Variants in POFUT1 observed in about 807,000 individuals in gnomAD.
POFUT1 encodes the protein GDP-fucose protein O-fucosyltransferase 1.
POFUT1 carries 16 observed loss-of-function variants against 42.4 expected under a neutral mutation model. The observed-to-expected ratio is 0.38, with a 90% confidence interval of 0.26 to 0.57. POFUT1 has a LOEUF of 0.57. Ranked by LOEUF, POFUT1 falls within the 20% of genes least tolerant of loss-of-function variation. The pLI is 0.71. For synonymous variants in POFUT1, 206 were observed against 205.4 expected (o/e 1.00, Z -0.03); for missense variants, 470 against 504.6 (o/e 0.93, Z 0.66).
At chr20:32,222,018 C>G (rs2047393318) in intron 4 of POFUT1, among the ~76,000 whole-genome samples, 1 of 152,136 alleles carries the variant, frequency 6.6e-6, no homozygotes, top group South Asian at 2.1e-4. Context: ...AAGAATCCAG[C>G]TGGGTAGAGT....
chr20:32,234,770 C>A lies in POFUT1; in HGVS notation c.*109C>A. On this transcript the variant is annotated 3_prime_UTR_variant, in exon 7 of 7. Coordinates refer to ENST00000375749, the MANE Select transcript of POFUT1 (RefSeq NM_015352.2). ...TGCTCCGGGATTGCAAACTCCTCTT[C>A]TCACCTGCCAAAGATGGAGAAGAGT... 2 of 942,562 alleles carry A rather than the reference C, an allele frequency of 2.1e-6. No homozygotes were observed. The highest frequency in any genetic ancestry group is 3.1e-6 in the Non-Finnish European group (2 of 635,584). 58.4% of individuals were successfully genotyped at this position (942,562 alleles called of 1,614,324 possible). A position where few individuals can be genotyped will look rare whatever the true frequency, so the allele number is the denominator to read the frequency against.
chr20:32,211,326 T>C (rs1600383397), intron 2 of POFUT1, among the ~76,000 whole-genome samples: 1 of 150,944 alleles, frequency 6.6e-6, no homozygotes, highest in African/African-American at 2.4e-5. Flanking sequence ...CAGGCTGGAG[T>C]GCAGTGGCAC....
Position 32,237,905 on chromosome 20 carries a change from T to C in POFUT1, c.*3244T>C, listed in dbSNP as rs17123088. On this transcript the variant is annotated 3_prime_UTR_variant, in exon 7 of 7. Transcript: ENST00000375749. ...GGGAAATGATTAGATTCTGAACATA[T>C]GTAATTATTTTTCAGTCTTTTTCAA... is the stretch of plus-strand genomic sequence containing the variant. The C allele has an allele frequency of 0.023, 11,196 of 496,810 alleles. 1,100 individuals are homozygous for C. Among genetic ancestry groups the C allele is most frequent in the African/African-American group, 0.2 (10,170 of 50,630 alleles). 30.8% of individuals were successfully genotyped at this position (496,810 alleles called of 1,614,324 possible). A position where few individuals can be genotyped will look rare whatever the true frequency, so the allele number is the denominator to read the frequency against.
chr20:32,219,788 C>T (rs879554621), intron 4 of POFUT1, among the ~76,000 whole-genome samples: 8 of 152,122 alleles, frequency 5.3e-5, no homozygotes, highest in East Asian at 1.9e-4. Flanking sequence ...TGAGCCACCG[C>T]GCCCGGCCAA....
At chr20:32,234,408 G>T in intron 6 of POFUT1, 65 bp from the exon 7 acceptor site, 1 of 1,391,772 alleles carries the variant, frequency 7.2e-7, no homozygotes, top group African/African-American at 1.4e-5. Context: ...TAAGGTTGGG[G>T]GTGTGGATGG....
chr20:32,210,727 C>T (rs1355615416), intron 2 of POFUT1, among the ~76,000 whole-genome samples: 5 of 152,192 alleles, frequency 3.3e-5, no homozygotes, highest in Admixed American at 6.5e-5. Context: ...CCTTGTCATG[C>T]GATGCTCACC....
intron 4 of POFUT1, among the ~76,000 whole-genome samples, chr20:32,218,417 G>A (rs1382972677): frequency 1.3e-5 from 2 of 152,188 alleles, no homozygotes; most frequent in African/African-American, 4.8e-5. Flanking sequence ...GGGATTACAA[G>A]CATGAGCTGC....
At chr20:32,217,273 A>T in intron 4 of POFUT1, 1 of 1,375,868 alleles carries the variant, frequency 7.3e-7, no homozygotes. Context: ...AATGAGGATG[A>T]CCAGCTCTGG....
chr20:32,210,251 C>T, intron 2 of POFUT1, 59 bp downstream of exon 2: 1 of 1,588,528 alleles, frequency 6.3e-7, no homozygotes, highest in East Asian at 2.2e-5. Flanking sequence ...TGCTTACTTA[C>T]ACTTAACCCT....
At chr20:32,219,508 GTTTT>G (rs11478934) in intron 4 of POFUT1, among the ~76,000 whole-genome samples, 2 of 112,354 alleles carry the variant, frequency 1.8e-5, no homozygotes, top group Non-Finnish European at 3.9e-5. Flanking sequence ...ATAACAACAA[GTTTT>G]TTTTTTTTTT....
chr20:32,217,825 C>A, intron 4 of POFUT1: 1 of 822,908 alleles, frequency 1.2e-6, no homozygotes, highest in South Asian at 5.5e-5. Context: ...GGAAACTGAG[C>A]CCAGTGAAGT....
chr20:32,216,937 T>A lies in POFUT1; in HGVS notation c.542+216T>A. ...GACCCGCCATGAGATTGAGAAAGAG[T>A]TCATCGGTTGATAAGGGATGTCATA... On this transcript the variant is annotated intron_variant, in intron 4 of 6. Coordinates refer to ENST00000375749, the MANE Select transcript of POFUT1 (RefSeq NM_015352.2). The A allele has an allele frequency of 1.9e-6, 3 of 1,598,110 alleles. No homozygotes were observed. The Admixed American group carries it at 5.2e-5, about 27-fold the overall frequency.
In POFUT1 at chr20:32,222,722, A is replaced by G. The variant is rs2047396859; in HGVS notation, c.543-5541A>G. Reference sequence around the variant, plus strand: ...CCACGTGATTTCTGAGGATCCTTCCAGCTCTGCTCGTTCTGAGCCTGTGAA... The same window carrying G: ...CCACGTGATTTCTGAGGATCCTTCCGGCTCTGCTCGTTCTGAGCCTGTGAA... On this transcript the variant is annotated intron_variant, in intron 4 of 6. Transcript: ENST00000375749. 8.1e-6 allele frequency: 8 copies of G among 985,370 alleles called. No homozygotes were observed. The South Asian group carries it at 3.3e-4, about 40-fold the overall frequency. The allele number at this position is 985,370 out of a possible 1,614,324, so 61.0% of individuals were successfully genotyped here.
intron 4 of POFUT1, chr20:32,223,066 T>C (rs555134281): frequency 3.0e-6 from 3 of 985,426 alleles, no homozygotes; most frequent in African/African-American, 3.5e-5. Context: ...CACAGATACA[T>C]ACTGGACACA....
intron 4 of POFUT1, among the ~76,000 whole-genome samples, chr20:32,219,657 C>T (rs1194807051): frequency 1.3e-5 from 2 of 151,958 alleles, no homozygotes; most frequent in Non-Finnish European, 2.9e-5. Flanking sequence ...CCACCACGCC[C>T]GGCTGATTTT....
intron 6 of POFUT1, among the ~76,000 whole-genome samples, chr20:32,232,707 C>T (rs1372187922): frequency 6.6e-6 from 1 of 152,002 alleles, no homozygotes; most frequent in African/African-American, 2.4e-5. Flanking sequence ...TAAGCTGAAG[C>T]ATTTGGAGAG....
chr20:32,221,027 G>A (rs948874270), intron 4 of POFUT1, among the ~76,000 whole-genome samples: 1 of 152,130 alleles, frequency 6.6e-6, no homozygotes, highest in African/African-American at 2.4e-5. Flanking sequence ...ATTGGGAGGA[G>A]GCAGAGCCCA....
At position 32,236,932 on chromosome 20, in the gene POFUT1, A is replaced by T. The variant is rs550222188; in HGVS notation, c.*2271A>T. 1 of 152,340 alleles carries T rather than the reference A, an allele frequency of 6.6e-6. No individual in the cohort carries two copies. Among genetic ancestry groups the T allele is most frequent in the African/African-American group, 2.4e-5 (1 of 41,584 alleles). 9.4% of individuals were successfully genotyped at this position (152,340 alleles called of 1,614,324 possible). A position where few individuals can be genotyped will look rare whatever the true frequency, so the allele number is the denominator to read the frequency against. On this transcript the variant is annotated 3_prime_UTR_variant, in exon 7 of 7. Transcript: ENST00000375749. ...CAAGGCTGCCCAGCTGGTGGTGTTA[A>T]GCCAGAATTTGACCTCCCAGAGCCA...
intron 1 of POFUT1, among the ~76,000 whole-genome samples, chr20:32,208,983 GATC>G (rs142930040): frequency 0.016 from 2,366 of 152,326 alleles, 76 homozygotes; most frequent in African/African-American, 0.052. Flanking sequence ...GGGTATGGTG[GATC>G]ATCATTGTGG....
Sources: gnomAD v4.1 joint callset for allele counts (sites outside exome capture counted in the v4.1 genomes callset) on GRCh38, gnomAD v4.1.1 for gene constraint, MANE v1.5 for transcripts, NCBI Gene and HGNC (gene_info 2026-07-23, HGNC 2026-07-21) for gene names.